The following RAPGEF4 variants were observed in gnomAD, a reference collection of about 807,000 sequenced individuals.
RAPGEF4 encodes Rap guanine nucleotide exchange factor 4, also known as RAP guanine-nucleotide-exchange factor (GEF) 4.
A neutral mutation model predicts 147.9 loss-of-function variants in RAPGEF4; 66 were observed. The observed-to-expected ratio is 0.45, with a 90% CI of 0.37 to 0.55. The LOEUF (loss-of-function observed/expected upper bound fraction) is 0.55. RAPGEF4 is among the 20% of genes least tolerant of loss of function. RAPGEF4 has a pLI of 0.00. For synonymous variants in RAPGEF4, 419 were observed against 442.7 expected, an observed-to-expected ratio of 0.95 and a Z score of 0.67; for missense variants, 1,071 against 1,257.3, an observed-to-expected ratio of 0.85 and a Z score of 2.24.
At chr2:172,884,941 T>C (rs531055476) in intron 4 of RAPGEF4, among the ~76,000 whole-genome samples, 29 of 152,372 alleles carry the variant, frequency 1.9e-4, no homozygotes, top group Middle Eastern at 3.4e-3. Context: ...CAAACGCTAT[T>C]GTTGCCCCTC....
intron 4 of RAPGEF4, among the ~76,000 whole-genome samples, chr2:172,819,164 T>G (rs1340273899): frequency 6.6e-6 from 1 of 152,150 alleles, no homozygotes. Context: ...AATTTCCAAT[T>G]TTGGTCAGAT....
chr2:172,918,374 C>CACACACACACAA (rs1684330179), intron 5 of RAPGEF4, among the ~76,000 whole-genome samples: 1 of 88,012 alleles, frequency 1.1e-5, no homozygotes, highest in South Asian at 3.2e-4. Context: ...GCTCTTACCA[C>CACACACACACAA]ACACACACAC....
intron 14 of RAPGEF4, among the ~76,000 whole-genome samples, chr2:172,990,571 A>G (rs1283218456): frequency 6.6e-6 from 1 of 152,070 alleles, no homozygotes; most frequent in Admixed American, 6.6e-5. Context: ...GCATAACCAC[A>G]CTATGCTTTA....
In RAPGEF4 at chr2:172,899,779, A is replaced by C. The variant is rs368214869; in HGVS notation, c.445-18023A>C. Among the ~76,000 whole-genome samples, 146 of 152,332 alleles carry C rather than the reference A, an allele frequency of 9.6e-4. No individual in the cohort carries two copies. The South Asian group carries it at 0.017, about 18-fold the overall frequency. On this transcript the variant is annotated intron_variant, in intron 4 of 30. Coordinates refer to ENST00000397081, the MANE Select transcript of RAPGEF4 (RefSeq NM_007023.4). ...AGCTGTGAAGGGTGGGCTGCATTTCAGGCTAGAACTAGAGGTATGCAGGAT... is the reference window on the plus strand; with the variant it reads ...AGCTGTGAAGGGTGGGCTGCATTTCCGGCTAGAACTAGAGGTATGCAGGAT...
intron 15 of RAPGEF4, among the ~76,000 whole-genome samples, chr2:172,993,512 T>C (rs562867776): frequency 1.3e-5 from 2 of 152,328 alleles, no homozygotes; most frequent in Non-Finnish European, 2.9e-5. Context: ...TAAAACTTCA[T>C]AGCTTATATA....
intron 4 of RAPGEF4, among the ~76,000 whole-genome samples, chr2:172,884,667 A>G (rs1400176407): frequency 1.3e-5 from 2 of 152,216 alleles, no homozygotes; most frequent in Non-Finnish European, 2.9e-5. Flanking sequence ...TGGTCCACAC[A>G]TGTGTGCCCC....
intron 3 of RAPGEF4, among the ~76,000 whole-genome samples, chr2:172,800,652 C>T (rs1455212512): frequency 6.6e-6 from 1 of 152,160 alleles, no homozygotes; most frequent in Non-Finnish European, 1.5e-5. Flanking sequence ...CTAGAGCTGG[C>T]AGGCTGGAGA....
At chr2:172,783,728 A>G (rs920600107) in intron 1 of RAPGEF4, among the ~76,000 whole-genome samples, 3 of 151,506 alleles carry the variant, frequency 2.0e-5, no homozygotes, top group African/African-American at 7.3e-5. Flanking sequence ...TTATGTGGGT[A>G]TGTATATGGG....
chr2:172,769,272 T>A (rs973440764), intron 1 of RAPGEF4, among the ~76,000 whole-genome samples: 2 of 152,124 alleles, frequency 1.3e-5, no homozygotes, highest in Non-Finnish European at 1.5e-5. Context: ...ACGAAAAGTA[T>A]GAAACTCAAA....
In RAPGEF4 at chr2:173,034,213, G is replaced by A. The variant is rs982426869; in HGVS notation, c.2700+249G>A. 3.9e-5 allele frequency among the ~76,000 whole-genome samples: 6 copies of A among 152,278 alleles called. No individual in the cohort carries two copies. In the South Asian group the frequency reaches 8.3e-4, roughly 21 times the overall value. On this transcript the variant is annotated intron_variant, in intron 27 of 30. Transcript: ENST00000397081. ...TAACTAAGAAAAGCAGTGTAATAGC[G>A]TCCTCTCCATCCAGCTCAGGTTGGC...
At chr2:172,738,887 G>C (rs1485238766) in intron 1 of RAPGEF4, among the ~76,000 whole-genome samples, 1 of 152,170 alleles carries the variant, frequency 6.6e-6, no homozygotes, top group Non-Finnish European at 1.5e-5. Context: ...TAGTAAAGAA[G>C]TATACAATGA....
At chr2:173,012,344 A>C (rs1695106500) in intron 17 of RAPGEF4, among the ~76,000 whole-genome samples, 1 of 151,324 alleles carries the variant, frequency 6.6e-6, no homozygotes. Flanking sequence ...ATCTCCACTG[A>C]CTCTTACATT....
intron 4 of RAPGEF4, among the ~76,000 whole-genome samples, chr2:172,902,218 G>A (rs1421538518): frequency 1.3e-5 from 2 of 152,186 alleles, no homozygotes; most frequent in East Asian, 1.9e-4. Flanking sequence ...GCCAGGTTGT[G>A]TAAGGGCTCA....
chr2:173,012,062 T>G (rs890177072), intron 17 of RAPGEF4, among the ~76,000 whole-genome samples: 3 of 152,226 alleles, frequency 2.0e-5, no homozygotes, highest in African/African-American at 7.2e-5. Flanking sequence ...TAGAGTAACT[T>G]AGGGCACAGT....
chr2:172,833,152 C>T lies in RAPGEF4; in HGVS notation c.444+18727C>T, dbSNP rs569733351. Among the ~76,000 whole-genome samples the T allele has an allele frequency of 6.1e-5, 9 of 148,348 alleles. No individual in the cohort carries two copies. The South Asian group carries it at 1.1e-3, about 17-fold the overall frequency. On this transcript the variant is annotated intron_variant, in intron 4 of 30. Coordinates refer to ENST00000397081, the MANE Select transcript of RAPGEF4 (RefSeq NM_007023.4). ...CTGAGAGGTGGAGGTTGCAATGAGCCGAGATCACGCCATTGCACTCCAGCC... is the reference window on the plus strand; with the variant it reads ...CTGAGAGGTGGAGGTTGCAATGAGCTGAGATCACGCCATTGCACTCCAGCC...
At chr2:172,786,628 G>A (rs902889257) in intron 1 of RAPGEF4, among the ~76,000 whole-genome samples, 1 of 152,174 alleles carries the variant, frequency 6.6e-6, no homozygotes, top group African/African-American at 2.4e-5. Context: ...TTGACTCAGA[G>A]CTTTGGGAGG....
intron 10 of RAPGEF4, among the ~76,000 whole-genome samples, chr2:172,974,726 A>C (rs1211909703): frequency 6.6e-6 from 1 of 152,186 alleles, no homozygotes; most frequent in Non-Finnish European, 1.5e-5. Flanking sequence ...ATTTCATTAA[A>C]TTATTACCAT....
At chr2:172,791,642 C>T (rs181719283) in intron 1 of RAPGEF4, among the ~76,000 whole-genome samples, 113 of 152,220 alleles carry the variant, frequency 7.4e-4, no homozygotes, top group African/African-American at 2.6e-3. Flanking sequence ...ACAAGAATGA[C>T]ATCGTTAGGG....
At chr2:172,941,064 C>T (rs1393764933) in intron 6 of RAPGEF4, among the ~76,000 whole-genome samples, 1 of 152,122 alleles carries the variant, frequency 6.6e-6, no homozygotes, top group Non-Finnish European at 1.5e-5. Flanking sequence ...TTGTACATGA[C>T]CTTGTATCCT....
Sources: allele counts gnomAD v4.1 joint callset (sites outside exome capture counted in the v4.1 genomes callset), GRCh38; gene constraint gnomAD v4.1.1; transcripts MANE v1.5; gene names NCBI Gene and HGNC (gene_info 2026-07-23, HGNC 2026-07-21).